AKAP19: variants seen among roughly 807,000 people sequenced by gnomAD.
AKAP19 encodes small A-kinase anchoring protein.
At chr2:190,070,619 C>T in the AKAP19 span, among the ~76,000 whole-genome samples, 4 of 138,972 alleles carry the variant, frequency 2.9e-5, no homozygotes, top group Admixed American at 2.9e-4. Context: ...CTCTCTCCCC[C>T]CCCCCTTTTT....
chr2:189,951,556 G>A, the AKAP19 span, among the ~76,000 whole-genome samples: 4 of 151,936 alleles, frequency 2.6e-5, no homozygotes, highest in South Asian at 2.1e-4. Flanking sequence ...TTCATCAGTT[G>A]GTAAATGCTT....
chr2:190,199,782 G>C, the AKAP19 span: 1 of 1,559,972 alleles, frequency 6.4e-7, no homozygotes. Flanking sequence ...AACATCACAT[G>C]GACAAATTTC....
At chr2:190,181,207 C>T in the AKAP19 span, 2 of 949,392 alleles carry the variant, frequency 2.1e-6, no homozygotes, top group Non-Finnish European at 2.5e-6. Context: ...ATGGCAGAAA[C>T]CCATGAGTTA....
chr2:190,031,695 G>A, the AKAP19 span, among the ~76,000 whole-genome samples: 1 of 152,202 alleles, frequency 6.6e-6, no homozygotes, highest in Non-Finnish European at 1.5e-5. Context: ...CACCAGTCAA[G>A]TGGAGAGCTT....
At chr2:190,121,546 T>C in the AKAP19 span, among the ~76,000 whole-genome samples, 19 of 152,266 alleles carry the variant, frequency 1.2e-4, no homozygotes, top group Non-Finnish European at 2.2e-4. Flanking sequence ...AAATGAATTA[T>C]AAATATGATA....
the AKAP19 span, among the ~76,000 whole-genome samples, chr2:190,168,841 G>T: frequency 6.6e-6 from 1 of 152,054 alleles, no homozygotes; most frequent in East Asian, 1.9e-4. Context: ...CAGGATTTTG[G>T]GTCCAAGCCA....
chr2:189,932,206 G>A, the AKAP19 span, among the ~76,000 whole-genome samples: 1 of 151,916 alleles, frequency 6.6e-6, no homozygotes, highest in Non-Finnish European at 1.5e-5. Flanking sequence ...TCAGGAGTTC[G>A]AGACCAGCCT....
At chr2:190,136,526 A>T in the AKAP19 span, among the ~76,000 whole-genome samples, 1 of 152,192 alleles carries the variant, frequency 6.6e-6, no homozygotes, top group Admixed American at 6.5e-5. Context: ...TCTGGACAAC[A>T]TAAGTAAACA....
the AKAP19 span, chr2:189,930,208 A>C: frequency 5.2e-6 from 1 of 190,914 alleles, no homozygotes; most frequent in African/African-American, 2.4e-5. Context: ...GCTTAGTGAC[A>C]ACAGATCAAA....
chr2:190,094,312 A>G, the AKAP19 span, among the ~76,000 whole-genome samples: 2 of 152,214 alleles, frequency 1.3e-5, no homozygotes, highest in African/African-American at 4.8e-5. Flanking sequence ...TTAGTGTACC[A>G]GAAGTTTTGT....
the AKAP19 span, among the ~76,000 whole-genome samples, chr2:189,980,901 G>A: frequency 6.6e-6 from 1 of 152,076 alleles, no homozygotes; most frequent in African/African-American, 2.4e-5. Context: ...GATATGATTT[G>A]GATATTTTTG....
the AKAP19 span, chr2:189,923,932 A>G: frequency 6.2e-7 from 1 of 1,610,818 alleles, no homozygotes; most frequent in South Asian, 1.1e-5. Context: ...CTTTCCTGGA[A>G]AACCTGGAAA....
At chr2:190,104,965 A>C in the AKAP19 span, among the ~76,000 whole-genome samples, 2 of 152,200 alleles carry the variant, frequency 1.3e-5, no homozygotes, top group Admixed American at 1.3e-4. Context: ...CAGAATGGCT[A>C]TTATTAAAAA....
the AKAP19 span, among the ~76,000 whole-genome samples, chr2:189,991,489 T>A: frequency 6.6e-6 from 1 of 152,206 alleles, no homozygotes; most frequent in African/African-American, 2.4e-5. Context: ...GCCATTTGTA[T>A]ATCTCTTTTG....
At chr2:190,199,131 T>C in the AKAP19 span, among the ~76,000 whole-genome samples, 7 of 152,196 alleles carry the variant, frequency 4.6e-5, no homozygotes, top group Non-Finnish European at 1.0e-4. Context: ...TAGTCCAAGA[T>C]CTGTAGGTTC....
the AKAP19 span, among the ~76,000 whole-genome samples, chr2:190,045,100 G>C: frequency 1.3e-5 from 2 of 152,122 alleles, no homozygotes; most frequent in Admixed American, 6.5e-5. Flanking sequence ...CTCCCTCTAA[G>C]AGTGCTGTCC....
chr2:189,977,849 A>G, the AKAP19 span, among the ~76,000 whole-genome samples: 1 of 152,202 alleles, frequency 6.6e-6, no homozygotes, highest in Non-Finnish European at 1.5e-5. Flanking sequence ...TTGAATTACA[A>G]ATTTTCAACT....
the AKAP19 span, among the ~76,000 whole-genome samples, chr2:190,181,611 A>G: frequency 7.2e-5 from 11 of 152,350 alleles, no homozygotes; most frequent in East Asian, 2.1e-3. Context: ...GGGTCAAAGA[A>G]GCAAAGCGGA....
chr2:190,150,450 T>C, the AKAP19 span: 2 of 152,178 alleles, frequency 1.3e-5, no homozygotes, highest in African/African-American at 4.8e-5. Flanking sequence ...CAGCTCCAGG[T>C]GAAGTCAGAA....
Sources: gnomAD v4.1 joint callset for allele counts (sites outside exome capture counted in the v4.1 genomes callset) on GRCh38, gnomAD v4.1.1 for gene constraint, MANE v1.5 for transcripts, NCBI Gene and HGNC (gene_info 2026-07-23, HGNC 2026-07-21) for gene names.